MOK: variants seen among roughly 807,000 people sequenced by gnomAD.
The protein encoded by MOK is MAPK/MAK/MRK overlapping kinase.
MOK carries 59 observed loss-of-function variants against 54.2 expected under a neutral mutation model. That is an observed-to-expected ratio of 1.09 (90% CI 0.88 to 1.35). MOK has a LOEUF of 1.35. MOK is among the 40% of genes most tolerant of loss of function. The probability of loss-of-function intolerance (pLI) is 0.00; values close to 1 mark genes in which losing one functional copy is unlikely to be tolerated. For missense variants in MOK, 517 were observed against 526.2 expected (o/e 0.98, Z 0.17); for synonymous variants, 210 against 202.7 (o/e 1.04, Z -0.31).
Position 102,266,661 on chromosome 14 carries a change from C to A in MOK, c.123-749G>T, listed in dbSNP as rs145806677. Among the ~76,000 whole-genome samples the A allele has an allele frequency of 7.0e-3, 1,071 of 152,278 alleles. 15 individuals are homozygous for A. Among genetic ancestry groups the A allele is most frequent in the African/African-American group, 0.024 (1,011 of 41,554 alleles). ...GCAATGGTGTGATCTTGGCTCACTG[C>A]AACCTCTGCCTCCCGGGTTCAAGCG... On this transcript the variant is annotated intron_variant, in intron 2 of 11. Coordinates refer to ENST00000361847, the MANE Select transcript of MOK (RefSeq NM_014226.3).
downstream of MOK, chr14:102,222,680 A>T (rs1026669508): frequency 9.1e-6 from 7 of 765,034 alleles, no homozygotes; most frequent in Admixed American, 4.1e-5. This position sits in a 1 kb window ranked among gnomAD's most constrained non-coding sequence, Gnocchi z 4.4. Context: ...GATAGGAATT[A>T]AATAGATGAA....
chr14:102,225,242 G>A (rs2064197093), downstream of MOK: 2 of 177,108 alleles, frequency 1.1e-5, no homozygotes, highest in Non-Finnish European at 1.2e-5. Flanking sequence ...TTGATATTTT[G>A]TAGAGATGGG....
At chr14:102,241,628 G>C (rs966422002) in intron 7 of MOK, among the ~76,000 whole-genome samples, 5 of 152,034 alleles carry the variant, frequency 3.3e-5, no homozygotes, top group Non-Finnish European at 7.4e-5. Context: ...TTCTCAATAG[G>C]CATTTTATTA....
chr14:102,219,687 C>T (rs1272827737), downstream of MOK, among the ~76,000 whole-genome samples: 2 of 152,252 alleles, frequency 1.3e-5, no homozygotes, highest in Non-Finnish European at 2.9e-5. Flanking sequence ...CAACGTGCTT[C>T]CTGAGTGCTG....
At chr14:102,275,909 T>C (rs2068820005) in intron 2 of MOK, among the ~76,000 whole-genome samples, 1 of 152,212 alleles carries the variant, frequency 6.6e-6, no homozygotes, top group Non-Finnish European at 1.5e-5. Context: ...ATTTTTAAAA[T>C]TATTTTTTCT....
chr14:102,304,549 G>A (rs1220955554), intron 1 of MOK, among the ~76,000 whole-genome samples: 1 of 152,190 alleles, frequency 6.6e-6, no homozygotes, highest in African/African-American at 2.4e-5. Flanking sequence ...AAAAGGCAGG[G>A]AGCCACGCTG....
At chr14:102,300,204 A>T (rs1336486630) in intron 1 of MOK, among the ~76,000 whole-genome samples, 4 of 151,908 alleles carry the variant, frequency 2.6e-5, no homozygotes, top group Non-Finnish European at 5.9e-5. Flanking sequence ...GGCACCTGTA[A>T]TCCCAGCTAT....
intron 1 of MOK, among the ~76,000 whole-genome samples, chr14:102,303,595 T>TTC (rs1236629032): frequency 6.6e-6 from 1 of 152,194 alleles, no homozygotes; most frequent in African/African-American, 2.4e-5. Flanking sequence ...ATGGAAAAAC[T>TTC]GAAATATGGA....
chr14:102,280,990 G>A (rs969323061), intron 2 of MOK, among the ~76,000 whole-genome samples: 3 of 152,016 alleles, frequency 2.0e-5, no homozygotes, highest in Non-Finnish European at 4.4e-5. Flanking sequence ...TCAGGAGTTC[G>A]AGACCAGCCG....
chr14:102,226,393 G>A (rs1270165304), downstream of MOK: 1 of 703,084 alleles, frequency 1.4e-6, no homozygotes, highest in East Asian at 2.7e-5. The surrounding 1 kb of genome is among the most constrained non-coding windows in gnomAD (Gnocchi z 4.8). Context: ...CCTCATCCTC[G>A]CTTCCGTTCT....
intron 1 of MOK, among the ~76,000 whole-genome samples, chr14:102,302,011 C>G (rs572242711): frequency 1.3e-5 from 2 of 151,618 alleles, no homozygotes; most frequent in Non-Finnish European, 2.9e-5. Flanking sequence ...CTCGGCGTCC[C>G]GAAGTGCTGG....
intron 2 of MOK, among the ~76,000 whole-genome samples, chr14:102,275,424 C>T (rs765633436): frequency 2.6e-5 from 4 of 151,902 alleles, no homozygotes; most frequent in Non-Finnish European, 4.4e-5. Context: ...ATTAGCCGGG[C>T]GTGGTGGTGG....
At chr14:102,299,571 T>C (rs894810112) in intron 1 of MOK, among the ~76,000 whole-genome samples, 2 of 151,542 alleles carry the variant, frequency 1.3e-5, no homozygotes, top group Non-Finnish European at 2.9e-5. Context: ...GTCTTCAGAG[T>C]GTAACTTCTC....
chr14:102,246,691 T>C (rs2066118083), intron 7 of MOK, among the ~76,000 whole-genome samples: 1 of 151,740 alleles, frequency 6.6e-6, no homozygotes, highest in Non-Finnish European at 1.5e-5. Flanking sequence ...CTCCCCCAGT[T>C]AGCTAGCGAG....
At chr14:102,214,795 A>G in the MOK span, 1 of 979,108 alleles carries the variant, frequency 1.0e-6, no homozygotes, top group African/African-American at 1.8e-5. Context: ...TAAATTCTTT[A>G]CTGTTGCAAT....
At chr14:102,233,601 T>C (rs915282945) in intron 8 of MOK, 87 bp downstream of exon 8, 25 of 1,184,824 alleles carry the variant, frequency 2.1e-5, no homozygotes, top group Non-Finnish European at 2.4e-5. Context: ...TGAGAGGGGT[T>C]TGAGGGAGGC....
rs1253429659 is a variant in MOK, at chr14:102,249,387, T to C, written c.590+1425A>G. ...AAGAAACCTTTTGGTTTCCAGAGCTTTTATAGATTTTGGAATTGTGGGAAC... is the reference window on the plus strand; with the variant it reads ...AAGAAACCTTTTGGTTTCCAGAGCTCTTATAGATTTTGGAATTGTGGGAAC... On this transcript the variant is annotated intron_variant, in intron 7 of 11. Transcript: ENST00000361847. This position sits in a 1 kb window ranked among gnomAD's most constrained non-coding sequence, Gnocchi z 5.3. Among the ~76,000 whole-genome samples the C allele has an allele frequency of 6.6e-6, 1 of 152,126 alleles. No individual in the cohort carries two copies. Among genetic ancestry groups the C allele is most frequent in the East Asian group, 1.9e-4 (1 of 5,200 alleles).
chr14:102,224,551 CTA>C, downstream of MOK: 2 of 455,966 alleles, frequency 4.4e-6, no homozygotes, highest in Non-Finnish European at 8.8e-6. Context: ...TGTCTGAAAC[CTA>C]TTTCTCTAAT....
chr14:102,284,445 C>T (rs1488522118), intron 1 of MOK, among the ~76,000 whole-genome samples: 1 of 151,968 alleles, frequency 6.6e-6, no homozygotes, highest in Non-Finnish European at 1.5e-5. Context: ...ACGCTAATTA[C>T]TACTGACTGC....
Sources: gnomAD v4.1 joint callset for allele counts (sites outside exome capture counted in the v4.1 genomes callset) on GRCh38, gnomAD v4.1.1 for gene constraint, Gnocchi (gnomAD v3.1) non-coding constraint, MANE v1.5 for transcripts, NCBI Gene and HGNC (gene_info 2026-07-23, HGNC 2026-07-21) for gene names.